The following PTPN9 variants were observed in gnomAD, a reference collection of about 807,000 sequenced individuals.
PTPN9 encodes the protein protein tyrosine phosphatase non-receptor type 9.
PTPN9 carries 26 observed loss-of-function variants against 69.8 expected under a neutral mutation model. The ratio of observed to expected loss-of-function variants is 0.37; its 90% confidence interval spans 0.27 to 0.52. PTPN9 has a LOEUF of 0.52. Among genes scored for constraint, PTPN9 ranks in the 20% least tolerant of loss-of-function variants. PTPN9 has a pLI of 0.91. For missense variants in PTPN9, 549 were observed against 740.3 expected, an observed-to-expected ratio of 0.74 and a Z score of 3.00; for synonymous variants, 274 against 272.5, an observed-to-expected ratio of 1.01 and a Z score of -0.05.
intron 4 of PTPN9, among the ~76,000 whole-genome samples, chr15:75,522,047 C>A (rs6495182): frequency 6.6e-6 from 1 of 151,794 alleles, no homozygotes; most frequent in Non-Finnish European, 1.5e-5. Flanking sequence ...CCAAAGATGT[C>A]GAGAGCAGTA....
At chr15:75,516,465 G>A (rs1477345661) in intron 5 of PTPN9, among the ~76,000 whole-genome samples, 1 of 150,672 alleles carries the variant, frequency 6.6e-6, no homozygotes, top group Non-Finnish European at 1.5e-5. Context: ...CACCAGGCCC[G>A]GCTAATTTTT....
At chr15:75,503,709 C>T (rs1299375400) in intron 7 of PTPN9, among the ~76,000 whole-genome samples, 4 of 134,552 alleles carry the variant, frequency 3.0e-5, no homozygotes, top group African/African-American at 5.6e-5. Flanking sequence ...CCACCCCGTC[C>T]GGGAGGGAGG....
chr15:75,492,398 A>G lies in PTPN9; in HGVS notation c.969-2097T>C, dbSNP rs1203804970. ...CACAGAAGCTAGGACCAAGGGAGGT[A>G]CCTATAGAGAGACAAGATGGCACAC... On this transcript the variant is annotated intron_variant, in intron 7 of 12. Transcript: ENST00000618819. 2.6e-5 allele frequency among the ~76,000 whole-genome samples: 4 copies of G among 152,298 alleles called. No homozygotes were observed. The East Asian group carries it at 7.7e-4, about 29-fold the overall frequency.
rs1378969954 is a variant in PTPN9, at chr15:75,468,759, C to T, written c.*10G>A. On this transcript the variant is annotated 3_prime_UTR_variant, in exon 13 of 13. Transcript: ENST00000618819. ...AAGGCTGGCCAACAGGTAGGAGGTTCGTAGGAGAGTTACTGACTCTCCACG... is the reference window on the plus strand; with the variant it reads ...AAGGCTGGCCAACAGGTAGGAGGTTTGTAGGAGAGTTACTGACTCTCCACG... 5.6e-6 allele frequency: 9 copies of T among 1,611,578 alleles called. No homozygotes were observed. Among genetic ancestry groups the T allele is most frequent in the Middle Eastern group, 1.8e-4 (1 of 5,550 alleles).
At chr15:75,544,542 A>G (rs80284539) in intron 1 of PTPN9, among the ~76,000 whole-genome samples, 2,873 of 152,200 alleles carry the variant, frequency 0.019, 93 homozygotes, top group African/African-American at 0.065. Context: ...AAGCAAAACA[A>G]CAACAAACAA....
chr15:75,489,125 A>G (rs149596752), intron 8 of PTPN9, among the ~76,000 whole-genome samples: 2 of 144,558 alleles, frequency 1.4e-5, no homozygotes, highest in African/African-American at 5.3e-5. Context: ...CGGTGAGCCA[A>G]TATTGCGCCA....
Position 75,578,678 on chromosome 15 carries a change from G to T in PTPN9, c.63+36C>A, listed in dbSNP as rs1290497137. 5.9e-6 allele frequency: 8 copies of T among 1,355,442 alleles called. No homozygotes were observed. In the South Asian group the frequency reaches 1.2e-4, roughly 20 times the overall value. The allele number at this position is 1,355,442 out of a possible 1,614,324, so 84.0% of individuals were successfully genotyped here. On this transcript the variant is annotated intron_variant, in intron 1 of 12. Transcript: ENST00000618819. ...AGGCCGGCGTAGGCCTCGGGGGCCC[G>T]GACACACCCAACGCGGCGGCCTCGG...
chr15:75,504,903 A>G (rs1263169956), intron 7 of PTPN9, among the ~76,000 whole-genome samples: 7 of 145,944 alleles, frequency 4.8e-5, no homozygotes, highest in Admixed American at 1.4e-4. Flanking sequence ...CTGCCCAGCC[A>G]CCCCTACTAG....
intron 8 of PTPN9, among the ~76,000 whole-genome samples, chr15:75,482,487 C>T (rs2074644792): frequency 6.8e-6 from 1 of 146,528 alleles, no homozygotes; most frequent in Non-Finnish European, 1.5e-5. Flanking sequence ...ATGGCGTGAA[C>T]CCGGGAGGCG....
Position 75,571,226 on chromosome 15 carries a change from CTCTAG to C in PTPN9, c.63+7483_63+7487del, listed in dbSNP as rs571882186. 4.5e-3 allele frequency among the ~76,000 whole-genome samples: 678 copies of C among 152,182 alleles called. 5 individuals are homozygous for C. The highest frequency in any genetic ancestry group is 0.016 in the African/African-American group (652 of 41,520). On this transcript the variant is annotated intron_variant, in intron 1 of 12. Coordinates refer to ENST00000618819, the MANE Select transcript of PTPN9 (RefSeq NM_002833.4). ...AGTGAGCCGAGATCATGCCACTGCA[CTCTAG>C]TCTAGGTGACAGAACAAGACTGTCT...
intron 7 of PTPN9, among the ~76,000 whole-genome samples, chr15:75,501,946 C>A (rs560862050): frequency 1.3e-5 from 2 of 151,878 alleles, no homozygotes; most frequent in Non-Finnish European, 2.9e-5. Flanking sequence ...TCACTTGAGC[C>A]TCGGAGTTTG....
chr15:75,545,756 C>A (rs1219935804), intron 1 of PTPN9, among the ~76,000 whole-genome samples: 2 of 152,166 alleles, frequency 1.3e-5, no homozygotes, highest in Non-Finnish European at 2.9e-5. Flanking sequence ...TGACAACAGC[C>A]TGGCCAACAT....
chr15:75,564,342 C>T (rs375430171), intron 1 of PTPN9, among the ~76,000 whole-genome samples: 2 of 152,112 alleles, frequency 1.3e-5, no homozygotes, highest in African/African-American at 4.8e-5. Context: ...CGCCTGTAAT[C>T]CCAGCACTTC....
chr15:75,517,581 G>A (rs559276668), intron 4 of PTPN9, among the ~76,000 whole-genome samples: 6 of 152,194 alleles, frequency 3.9e-5, no homozygotes, highest in Admixed American at 6.5e-5. Context: ...TGCCAAACTC[G>A]TAGGTTGAGA....
chr15:75,479,891 G>A lies in PTPN9; in HGVS notation c.1086C>T (p.Phe362=). The A allele has an allele frequency of 3.7e-6, 6 of 1,611,082 alleles. No homozygotes were observed. Among genetic ancestry groups the A allele is most frequent in the Non-Finnish European group, 5.1e-6 (6 of 1,178,378 alleles). The change falls in exon 9 of 13, where the codon TTC becomes TTT. Residue 362 remains phenylalanine (F), a synonymous_variant. Transcript: ENST00000618819. ...HTQTDYINAS[F]MDGYKQKNAY... is the part of the protein sequence containing the mutation. ...CATTCTTCTGCTTGTAGCCATCCAT[G>A]AAACTGGCATTGATGTAATCTGTCT...
rs373577843 is a variant in PTPN9 at position 75,505,305 on chromosome 15, G to C, written c.968+370C>G. On this transcript the variant is annotated intron_variant, in intron 7 of 12. Transcript: ENST00000618819. ...ACCACTCCCTAATCTCAAGTACCCAGGGACACAAACACTGCGGAAGGCCGC... is the reference window on the plus strand; with the variant it reads ...ACCACTCCCTAATCTCAAGTACCCACGGACACAAACACTGCGGAAGGCCGC... Among the ~76,000 whole-genome samples, 1,226 of 149,742 alleles carry C rather than the reference G, an allele frequency of 8.2e-3. 30 individuals are homozygous for C. The East Asian group carries it at 0.1, about 12-fold the overall frequency.
intron 1 of PTPN9, among the ~76,000 whole-genome samples, chr15:75,550,856 C>A (rs1176292948): frequency 6.6e-6 from 1 of 151,890 alleles, no homozygotes; most frequent in African/African-American, 2.4e-5. Flanking sequence ...ACTGTGTTGG[C>A]CAGGCTGCTC....
intron 7 of PTPN9, among the ~76,000 whole-genome samples, chr15:75,500,854 G>A (rs548897297): frequency 5.3e-5 from 8 of 151,844 alleles, no homozygotes; most frequent in South Asian, 4.2e-4. Context: ...GCCACTATGC[G>A]CCAGTCTGGG....
At position 75,464,887 on chromosome 15, in the gene PTPN9, T is replaced by TG. The variant is rs1478054778; in HGVS notation, c.*3881dup. 6.6e-6 allele frequency: 1 copy of TG among 152,108 alleles called. No individual in the cohort carries two copies. Among genetic ancestry groups the TG allele is most frequent in the Non-Finnish European group, 1.5e-5 (1 of 68,036 alleles). 9.4% of individuals were successfully genotyped at this position (152,108 alleles called of 1,614,324 possible). Reference sequence around the variant, plus strand: ...GGTGGGCCTCCGAGGCTGAGGATGCTGGGGCACCCTTCGTCTCAGGAGTCC... The same window carrying TG: ...GGTGGGCCTCCGAGGCTGAGGATGCTGGGGGCACCCTTCGTCTCAGGAGTCC... On this transcript the variant is annotated 3_prime_UTR_variant, in exon 13 of 13. Coordinates refer to ENST00000618819, the MANE Select transcript of PTPN9 (RefSeq NM_002833.4).
Sources: gnomAD v4.1 joint callset for allele counts (sites outside exome capture counted in the v4.1 genomes callset) on GRCh38, gnomAD v4.1.1 for gene constraint, MANE v1.5 for transcripts, NCBI Gene and HGNC (gene_info 2026-07-23, HGNC 2026-07-21) for gene names.